Variants in APTX observed in about 807,000 individuals in gnomAD.
APTX encodes forkhead-associated domain histidine triad-like protein.
Under a neutral mutation model 42.3 loss-of-function variants are expected in APTX, and 33 were observed. That is an observed-to-expected ratio of 0.78 (90% confidence interval 0.59 to 1.04). The LOEUF is 1.04. Ranked by LOEUF, APTX falls within the 50% of genes least tolerant of loss-of-function variation. The pLI, the probability that APTX is intolerant of heterozygous loss-of-function variation, is 0.00. For missense variants in APTX, 421 were observed against 415.1 expected (o/e 1.01, Z -0.12); for synonymous variants, 130 against 146.7 (o/e 0.89, Z 0.82).
At chr9:33,007,683 G>C (rs1478324070) in intron 1 of APTX, among the ~76,000 whole-genome samples, 2 of 151,974 alleles carry the variant, frequency 1.3e-5, no homozygotes, top group African/African-American at 4.8e-5. Flanking sequence ...ACTTCTTACT[G>C]CAAGAACTGC....
chr9:33,003,149 G>A (rs972365434), upstream of APTX, among the ~76,000 whole-genome samples: 3 of 152,168 alleles, frequency 2.0e-5, no homozygotes, highest in Admixed American at 2.0e-4. Context: ...GCCTTTGTGT[G>A]TCTTGCATCC....
At chr9:32,995,795 G>A (rs1353417555) in intron 1 of APTX, among the ~76,000 whole-genome samples, 1 of 151,870 alleles carries the variant, frequency 6.6e-6, no homozygotes, top group Non-Finnish European at 1.5e-5. Flanking sequence ...GACTGAGGCA[G>A]GAGAATGGTG....
At chr9:33,011,235 A>C (rs1317377498) in intron 1 of APTX, among the ~76,000 whole-genome samples, 2 of 152,092 alleles carry the variant, frequency 1.3e-5, no homozygotes, top group South Asian at 2.1e-4. Flanking sequence ...AGTCATGTGG[A>C]TATCTGGGTG....
At chr9:32,984,584 C>A in intron 6 of APTX, 47 bp downstream of exon 6, 1 of 1,576,254 alleles carries the variant, frequency 6.3e-7, no homozygotes, top group South Asian at 1.1e-5. Context: ...ATCTATCTGC[C>A]CACCTGGACA....
At position 33,018,866 on chromosome 9, in the gene APTX, G is replaced by A. The variant is rs549508986; in HGVS notation, c.-5+6157C>T. Reference sequence around the variant, plus strand: ...TGCGCTCCAGCCCAGGCAACAGTGCGAGACTCCATCTCAAAAAGAAAGATA... The same window carrying A: ...TGCGCTCCAGCCCAGGCAACAGTGCAAGACTCCATCTCAAAAAGAAAGATA... On this transcript the variant is annotated intron_variant, in intron 1 of 6. Transcript: ENST00000436040. Among the ~76,000 whole-genome samples the A allele has an allele frequency of 7.2e-5, 11 of 152,222 alleles. No homozygotes were observed. The South Asian group carries it at 1.0e-3, about 14-fold the overall frequency.
intron 1 of APTX, among the ~76,000 whole-genome samples, chr9:33,017,291 T>G (rs563120503): frequency 2.0e-5 from 3 of 152,344 alleles, no homozygotes; most frequent in Admixed American, 1.3e-4. Context: ...CTTCATCTAT[T>G]TGAGCTGCTA....
At chr9:33,015,518 CCTG>C (rs1837836002) in intron 1 of APTX, among the ~76,000 whole-genome samples, 1 of 152,202 alleles carries the variant, frequency 6.6e-6, no homozygotes, top group Admixed American at 6.6e-5. Context: ...ACCATCATGC[CCTG>C]CTAATTTTTG....
rs111404570 is a variant in APTX at position 32,975,010 on chromosome 9, G to A, written c.771-449C>T. Among the ~76,000 whole-genome samples, 834 of 152,262 alleles carry A rather than the reference G, an allele frequency of 5.5e-3. 8 individuals are homozygous for A. Among genetic ancestry groups the A allele is most frequent in the African/African-American group, 0.019 (798 of 41,548 alleles). Reference sequence around the variant, plus strand: ...ACAGTGTTCAGGGAAAGCATCTCCCGGGAAGTGATTTGAACGGAGACAGCA... The same window carrying A: ...ACAGTGTTCAGGGAAAGCATCTCCCAGGAAGTGATTTGAACGGAGACAGCA... On this transcript the variant is annotated intron_variant, in intron 6 of 7. Coordinates refer to ENST00000379817, the MANE Select transcript of APTX (RefSeq NM_001195248.2).
chr9:33,008,738 G>T (rs887542613), intron 1 of APTX, among the ~76,000 whole-genome samples: 10 of 152,094 alleles, frequency 6.6e-5, no homozygotes, highest in Non-Finnish European at 1.3e-4. Context: ...TTTTAGTAGA[G>T]ATGGGGTTTT....
At chr9:33,020,090 C>T (rs1015972268) in intron 1 of APTX, 3 of 384,222 alleles carry the variant, frequency 7.8e-6, no homozygotes, top group East Asian at 7.3e-5. Context: ...TAGCCATCCC[C>T]GCAGTTGGCG....
chr9:32,984,785 G>A lies in APTX; in HGVS notation c.616C>T (p.Pro206Ser). 1 of 1,614,228 alleles carries A rather than the reference G, an allele frequency of 6.2e-7. No individual in the cohort carries two copies. The change falls in exon 6 of 8, where the codon CCG (proline) becomes TCG (serine). Residue 206 changes from proline (P) to serine (S), a missense_variant. Physicochemically the swap from Pro to Ser is moderately conservative, Grantham distance 74. Coordinates refer to ENST00000379817, the MANE Select transcript of APTX (RefSeq NM_001195248.2). Reference sequence around the variant, plus strand: ...TTCAGACTGGAAATGGAGGTCCACGGTAAGACCAGCCAATGGTAACGGGCC... The same window carrying A: ...TTCAGACTGGAAATGGAGGTCCACGATAAGACCAGCCAATGGTAACGGGCC... ...PKARYHWLVL[P>S]WTSISSLKAV...
Position 33,020,808 on chromosome 9 carries a change from C to T in APTX, c.-5+4215G>A, listed in dbSNP as rs1276686413. Among the ~76,000 whole-genome samples the T allele has an allele frequency of 2.0e-5, 3 of 152,234 alleles. No homozygotes were observed. In the East Asian group the frequency reaches 5.8e-4, roughly 29 times the overall value. On this transcript the variant is annotated intron_variant, in intron 1 of 6. Coordinates refer to the APTX transcript ENST00000436040. The stretch of plus-strand genomic sequence containing the variant: ...CCAGGCCTCCAGCCATCTCCAGCTA[C>T]CTCTATGAACACTTACGGCCATGTG...
intron 6 of APTX, among the ~76,000 whole-genome samples, chr9:32,981,422 A>ACG (rs1554661915): frequency 5.3e-5 from 8 of 150,172 alleles, no homozygotes; most frequent in African/African-American, 2.0e-4. Flanking sequence ...AGGGGTGTGT[A>ACG]TGTGTGTGTG....
At chr9:32,987,469 A>C in intron 4 of APTX, 75 bp downstream of exon 4, 1 of 1,582,430 alleles carries the variant, frequency 6.3e-7, no homozygotes, top group South Asian at 1.1e-5. Context: ...CTGAACTTTA[A>C]AGTGTACAAA....
intron 1 of APTX, among the ~76,000 whole-genome samples, chr9:32,996,278 C>CT (rs112456184): frequency 0.94 from 134,633 of 142,922 alleles, 63,652 homozygotes; most frequent in East Asian, 0.99. Context: ...ATAAATCGCT[C>CT]TTTTTTTTTT....
At chr9:32,986,261 C>T in intron 4 of APTX, 2 of 637,592 alleles carry the variant, frequency 3.1e-6, no homozygotes, top group Non-Finnish European at 5.8e-6. Context: ...CTCACCCAAG[C>T]TGGAGTGCAG....
At chr9:33,011,945 T>C (rs1164775282) in intron 1 of APTX, among the ~76,000 whole-genome samples, 8 of 152,224 alleles carry the variant, frequency 5.3e-5, no homozygotes, top group Admixed American at 2.6e-4. Flanking sequence ...GGACGTCCAG[T>C]GGCATTTTCC....
chr9:33,001,035 CG>C (rs1836297565), intron 1 of APTX, among the ~76,000 whole-genome samples: 1 of 151,810 alleles, frequency 6.6e-6, no homozygotes, highest in African/African-American at 2.4e-5. Context: ...TTAGTAGAGA[CG>C]GGGTTTCTCC....
chr9:33,003,526 G>A (rs1159554545), upstream of APTX, among the ~76,000 whole-genome samples: 1 of 152,108 alleles, frequency 6.6e-6, no homozygotes, highest in East Asian at 1.9e-4. Context: ...CAGCTACTTG[G>A]GAGGCTGAAG....
Sources: allele counts gnomAD v4.1 joint callset (sites outside exome capture counted in the v4.1 genomes callset), GRCh38; gene constraint gnomAD v4.1.1; transcripts MANE v1.5; gene names NCBI Gene and HGNC (gene_info 2026-07-23, HGNC 2026-07-21).